Variants in ZNF622 observed in about 807,000 individuals in gnomAD.
The protein encoded by ZNF622 is cytoplasmic 60S subunit biogenesis factor ZNF622.
Under a neutral mutation model 49.7 loss-of-function variants are expected in ZNF622, and 34 were observed. That is an observed-to-expected ratio of 0.68 (90% CI 0.52 to 0.91). The LOEUF (loss-of-function observed/expected upper bound fraction) is 0.91, where lower values mean the gene tolerates loss of function less well. Among genes scored for constraint, ZNF622 ranks in the 40% least tolerant of loss-of-function variants. ZNF622 has a pLI of 0.00. For synonymous variants in ZNF622, 209 were observed against 228.7 expected, an observed-to-expected ratio of 0.91 and a Z score of 0.78; for missense variants, 569 against 616.4, an observed-to-expected ratio of 0.92 and a Z score of 0.81.
At chr5:16,451,924 G>A in intron 5 of ZNF622, 140 bp from the exon 6 acceptor site, 9 of 1,053,574 alleles carry the variant, frequency 8.5e-6, no homozygotes, top group Non-Finnish European at 1.2e-5. Flanking sequence ...CTAACTTGGG[G>A]TCTCTAAGCC....
At position 16,465,552 on chromosome 5, in the gene ZNF622, G is replaced by A; in HGVS notation, c.114C>T (p.Ser38=). ...AGCCCTCGGCGGTCACTGGGGCCAT[G>A]CTGGCCACCTTCCGCCGCAGGTTGT... ...HRYNLRRKVA[S]MAPVTAEGFQ... The change falls in exon 1 of 6, where the codon AGC becomes AGT. Residue 38 remains serine, a synonymous_variant. Coordinates refer to ENST00000308683, the MANE Select transcript of ZNF622 (RefSeq NM_033414.3). This position sits in a 1 kb window ranked among gnomAD's most constrained non-coding sequence, Gnocchi z 6.2. 1 of 1,613,776 alleles carries A rather than the reference G, an allele frequency of 6.2e-7. No individual in the cohort carries two copies. The highest frequency in any genetic ancestry group is 1.3e-5 in the African/African-American group (1 of 75,062).
chr5:16,458,402 C>G, intron 4 of ZNF622, 115 bp downstream of exon 4: 1 of 738,456 alleles, frequency 1.4e-6, no homozygotes, highest in South Asian at 1.9e-5. Flanking sequence ...AGAACCCAAA[C>G]ATATACTTTA....
At position 16,458,535 on chromosome 5, in the gene ZNF622, C is replaced by T. The variant is rs1239606680; in HGVS notation, c.1144G>A (p.Glu382Lys). 9.9e-6 allele frequency: 16 copies of T among 1,613,218 alleles called. No homozygotes were observed. Among genetic ancestry groups the T allele is most frequent in the Non-Finnish European group, 1.4e-5 (16 of 1,179,456 alleles). ...CACTTACCAGAAGGCAGAATCAATT[C>T]CATGGTTTCATCATCATATTCCAAG... ...KNLEYDDETM[E>K]LILPSGARVG... Residue 382 changes from glutamate to lysine, a missense_variant, in exon 4 of 6, where the codon GAA becomes AAA. Coordinates refer to ENST00000308683, the MANE Select transcript of ZNF622 (RefSeq NM_033414.3).
Position 16,465,685 on chromosome 5 carries a change from A to C in ZNF622, c.-20T>G. 6.5e-7 allele frequency: 1 copy of C among 1,546,790 alleles called. No homozygotes were observed. Among genetic ancestry groups the C allele is most frequent in the Non-Finnish European group, 8.7e-7 (1 of 1,148,030 alleles). On this transcript the variant is annotated 5_prime_UTR_variant, in exon 1 of 6. Transcript: ENST00000308683. This position sits in a 1 kb window ranked among gnomAD's most constrained non-coding sequence, Gnocchi z 6.2. ...CGCCATTGCCAGGCGAGAAATAAGA[A>C]CCGACCAAGCCAAACACCTGGTGAT...
intron 4 of ZNF622, among the ~76,000 whole-genome samples, chr5:16,455,091 T>C (rs963208328): frequency 1.3e-5 from 2 of 152,174 alleles, no homozygotes; most frequent in African/African-American, 4.8e-5. Context: ...ACCATGCAGA[T>C]ATTTAACAAC....
At chr5:16,459,746 C>T (rs747300290) in intron 3 of ZNF622, among the ~76,000 whole-genome samples, 2 of 152,124 alleles carry the variant, frequency 1.3e-5, no homozygotes, top group South Asian at 2.1e-4. Context: ...GTCTCCCAAA[C>T]ATAAAGTTGA....
Position 16,453,058 on chromosome 5 carries a change from G to C in ZNF622, c.1261C>G (p.Arg421Gly). The change falls in exon 5 of 6, where the codon CGA becomes GGA. Residue 421 changes from arginine (R) to glycine (G), a missense_variant. By Grantham distance (125) the Arg-to-Gly change is moderately radical. Coordinates refer to ENST00000308683, the MANE Select transcript of ZNF622 (RefSeq NM_033414.3). ...AVAKNRKAVG[R>G]VLQQYRALGW... is the part of the protein sequence containing the mutation. ...AGGGCTCTGTACTGCTGAAGTACTCGGCCCACGGCCTTCCGATTTTTGGCA... is the reference window on the plus strand; with the variant it reads ...AGGGCTCTGTACTGCTGAAGTACTCCGCCCACGGCCTTCCGATTTTTGGCA... 1 of 1,575,562 alleles carries C rather than the reference G, an allele frequency of 6.3e-7. No homozygotes were observed. The highest frequency in any genetic ancestry group is 8.6e-7 in the Non-Finnish European group (1 of 1,157,338).
In ZNF622 at chr5:16,463,563, C is replaced by T; in HGVS notation, c.805G>A (p.Ala269Thr). 6.2e-7 allele frequency: 1 copy of T among 1,614,194 alleles called. No individual in the cohort carries two copies. The change falls in exon 2 of 6, where the codon GCT becomes ACT. Residue 269 changes from alanine to threonine, a missense_variant. Transcript: ENST00000308683. The surrounding 1 kb of genome is among the most constrained non-coding windows in gnomAD (Gnocchi z 4.2). ...AAACTGTGGTCTTTGGTCATGTGAG[C>T]CACATTCTTCATCAGCGAGCTGGAA... The part of the protein sequence containing the change: ...HHSSSLMKNV[A>T]HMTKDHSFFI...
chr5:16,464,162 G>A (rs1396680927), intron 1 of ZNF622, among the ~76,000 whole-genome samples: 1 of 149,516 alleles, frequency 6.7e-6, no homozygotes, highest in African/African-American at 2.4e-5. Flanking sequence ...TTGAATGCAT[G>A]TTTCCCTCCC....
At position 16,465,325 on chromosome 5, in the gene ZNF622, A is replaced by G. The variant is rs1371610403; in HGVS notation, c.341T>C (p.Leu114Ser). 8 of 1,614,054 alleles carry G rather than the reference A, an allele frequency of 5.0e-6. No homozygotes were observed. The highest frequency in any genetic ancestry group is 3.3e-4 in the Middle Eastern group (2 of 6,084). ...ACTGTCCACGCCCAGTCCTTTCTCCAAGTTCTTTTCATTCATCATCTCCAC... is the reference window on the plus strand; with the variant it reads ...ACTGTCCACGCCCAGTCCTTTCTCCGAGTTCTTTTCATTCATCATCTCCAC... ...RKVEMMNEKN[L>S]EKGLGVDSVD... The change falls in exon 1 of 6, where the codon TTG becomes TCG. Residue 114 changes from leucine to serine, a missense_variant. By Grantham distance (145) the Leu-to-Ser change is moderately radical. Coordinates refer to ENST00000308683, the MANE Select transcript of ZNF622 (RefSeq NM_033414.3). This position sits in a 1 kb window ranked among gnomAD's most constrained non-coding sequence, Gnocchi z 6.2.
At chr5:16,459,124 T>C (rs1025027556) in intron 3 of ZNF622, among the ~76,000 whole-genome samples, 4 of 152,178 alleles carry the variant, frequency 2.6e-5, no homozygotes, top group African/African-American at 9.7e-5. Flanking sequence ...TTTATTTAAA[T>C]AGCTATATGG....
intron 3 of ZNF622, among the ~76,000 whole-genome samples, chr5:16,462,306 G>A (rs1016507449): frequency 6.6e-6 from 1 of 152,164 alleles, no homozygotes; most frequent in Non-Finnish European, 1.5e-5. Flanking sequence ...CAGGAATTTT[G>A]ACAACTAGTT....
At position 16,463,213 on chromosome 5, in the gene ZNF622, A is replaced by T; in HGVS notation, c.944T>A (p.Phe315Tyr). The T allele has an allele frequency of 6.2e-7, 1 of 1,613,664 alleles. No homozygotes were observed. The highest frequency in any genetic ancestry group is 1.7e-5 in the Admixed American group (1 of 59,940). ...CLWCNEKGKS[F>Y]YSTEAVQAHM... is the part of the protein sequence containing the mutation. ...TGCCTGTACAGCTTCTGTGGAGTAGAAGGACTTCCCTTTCTCGTTGCACCA... is the reference window on the plus strand; with the variant it reads ...TGCCTGTACAGCTTCTGTGGAGTAGTAGGACTTCCCTTTCTCGTTGCACCA... The change falls in exon 3 of 6, where the codon TTC becomes TAC. Residue 315 changes from phenylalanine (F) to tyrosine (Y), a missense_variant. Transcript: ENST00000308683. The surrounding 1 kb of genome is among the most constrained non-coding windows in gnomAD (Gnocchi z 4.2).
chr5:16,460,407 G>C (rs1738104630), intron 3 of ZNF622, among the ~76,000 whole-genome samples: 1 of 152,202 alleles, frequency 6.6e-6, no homozygotes, highest in South Asian at 2.1e-4. Context: ...TTGTGAAGGG[G>C]AGTGAAATTT....
chr5:16,461,682 G>A (rs565638193), intron 3 of ZNF622, among the ~76,000 whole-genome samples: 2 of 152,300 alleles, frequency 1.3e-5, no homozygotes, highest in Admixed American at 6.5e-5. Context: ...TACTTACAGA[G>A]AGCAGACTAG....
At chr5:16,453,961 T>C (rs1737980453) in intron 4 of ZNF622, among the ~76,000 whole-genome samples, 1 of 152,300 alleles carries the variant, frequency 6.6e-6, no homozygotes, top group East Asian at 1.9e-4. Context: ...CTGGTGAATA[T>C]GAATTTTAAA....
At chr5:16,453,644 T>C (rs1737974875) in intron 4 of ZNF622, among the ~76,000 whole-genome samples, 1 of 146,802 alleles carries the variant, frequency 6.8e-6, no homozygotes, top group Admixed American at 6.9e-5. Flanking sequence ...TGTTTGGGAC[T>C]ACAAGCCACA....
Position 16,463,813 on chromosome 5 carries a change from C to A in ZNF622, c.626-71G>T. 1.3e-6 allele frequency: 2 copies of A among 1,519,126 alleles called. No homozygotes were observed. Among genetic ancestry groups the A allele is most frequent in the East Asian group, 2.3e-5 (1 of 44,396 alleles). The allele number at this position is 1,519,126 out of a possible 1,614,324, so 94.1% of individuals were successfully genotyped here. ...CAAGCAAAGATATCACAAAAATTCA[C>A]GAGGTGATACAGTCCTATATTTGGA... On this transcript the variant is annotated intron_variant, in intron 1 of 5. Coordinates refer to ENST00000308683, the MANE Select transcript of ZNF622 (RefSeq NM_033414.3). This position sits in a 1 kb window ranked among gnomAD's most constrained non-coding sequence, Gnocchi z 4.2.
intron 3 of ZNF622, among the ~76,000 whole-genome samples, chr5:16,462,251 T>C (rs1738131150): frequency 6.6e-6 from 1 of 152,238 alleles, no homozygotes; most frequent in African/African-American, 2.4e-5. Context: ...TATGCATGCC[T>C]GGCATGGTAA....
Sources: gnomAD v4.1 joint callset for allele counts (sites outside exome capture counted in the v4.1 genomes callset) on GRCh38, gnomAD v4.1.1 for gene constraint, Gnocchi (gnomAD v3.1) non-coding constraint, MANE v1.5 for transcripts, NCBI Gene and HGNC (gene_info 2026-07-23, HGNC 2026-07-21) for gene names.